SPDYE12: variants seen among roughly 807,000 people sequenced by gnomAD.
SPDYE12 encodes speedy/RINGO cell cycle regulator family member E12, also known as speedy protein E12.
the SPDYE12 span, among the ~76,000 whole-genome samples, chr7:74,908,661 C>CTTTTTTTTTTTTTTTTTTTT: frequency 1.7e-5 from 1 of 58,598 alleles, no homozygotes; most frequent in Non-Finnish European, 2.9e-5. Context: ...GTTTTTTGTT[C>CTTTTTTTTTTTTTTTTTTTT]TTTTTTTTTT....
the SPDYE12 span, among the ~76,000 whole-genome samples, chr7:74,909,307 G>C: frequency 6.6e-6 from 1 of 151,386 alleles, no homozygotes; most frequent in African/African-American, 2.4e-5. Context: ...GCTTGCCTCA[G>C]CCTCCCAAAG....
chr7:74,909,737 T>C, the SPDYE12 span: 1 of 1,236,550 alleles, frequency 8.1e-7, no homozygotes, highest in East Asian at 2.3e-5. Flanking sequence ...GGGGTGACTG[T>C]GCTCATGTGG....
the SPDYE12 span, among the ~76,000 whole-genome samples, chr7:74,907,458 G>A: frequency 1.3e-5 from 2 of 151,428 alleles, no homozygotes; most frequent in Admixed American, 6.6e-5. Flanking sequence ...TACACCAGAC[G>A]CGGTGGCTCA....
At chr7:74,904,887 AATAG>A in the SPDYE12 span, among the ~76,000 whole-genome samples, 3 of 149,378 alleles carry the variant, frequency 2.0e-5, no homozygotes, top group African/African-American at 7.3e-5. Context: ...AAACCAATAA[AATAG>A]ATAGTATATA....
At chr7:74,905,927 C>T in the SPDYE12 span, among the ~76,000 whole-genome samples, 1 of 146,626 alleles carries the variant, frequency 6.8e-6, no homozygotes, top group African/African-American at 2.7e-5. Flanking sequence ...TCTGAACCAT[C>T]GTGTTCAACT....
the SPDYE12 span, among the ~76,000 whole-genome samples, chr7:74,909,032 G>GTTTTTTTTTTTTTTTTTTCCCT: frequency 3.3e-5 from 1 of 30,336 alleles, no homozygotes; most frequent in African/African-American, 1.1e-4. Flanking sequence ...TTTTTTGCCT[G>GTTTTTTTTTTTTTTTTTTCCCT]GTTTTTTTTT....
the SPDYE12 span, among the ~76,000 whole-genome samples, chr7:74,906,134 C>A: frequency 9.3e-6 from 1 of 107,312 alleles, no homozygotes; most frequent in Non-Finnish European, 1.8e-5. Context: ...CGTGCTAGAT[C>A]TGTTTCTAAT....
At chr7:74,908,546 GGA>G in the SPDYE12 span, among the ~76,000 whole-genome samples, 4 of 133,578 alleles carry the variant, frequency 3.0e-5, no homozygotes, top group Non-Finnish European at 3.2e-5. Flanking sequence ...GATGTGGGAA[GGA>G]GAGAGAGAGA....
chr7:74,904,928 GAC>G, the SPDYE12 span, among the ~76,000 whole-genome samples: 2 of 147,364 alleles, frequency 1.4e-5, no homozygotes, highest in African/African-American at 5.0e-5. Context: ...ATATATCTGA[GAC>G]ATGTTAAAAA....
At chr7:74,909,559 AGG>A in the SPDYE12 span, 1 of 1,582,168 alleles carries the variant, frequency 6.3e-7, no homozygotes. Flanking sequence ...TATTGCCAGG[AGG>A]GGAGGCCGGC....
the SPDYE12 span, among the ~76,000 whole-genome samples, chr7:74,909,777 T>A: frequency 2.7e-5 from 4 of 150,586 alleles, no homozygotes; most frequent in East Asian, 7.8e-4. Context: ...TATTCGAAGG[T>A]CGGATGCAAA....
the SPDYE12 span, among the ~76,000 whole-genome samples, chr7:74,907,574 A>G: frequency 1.1e-4 from 17 of 150,696 alleles, no homozygotes; most frequent in South Asian, 2.5e-3. Flanking sequence ...TATACTAAAA[A>G]TACAAAAATC....
the SPDYE12 span, among the ~76,000 whole-genome samples, chr7:74,908,657 TG>T: frequency 8.3e-6 from 1 of 119,828 alleles, no homozygotes; most frequent in Admixed American, 1.0e-4. Context: ...TTTTGTTTTT[TG>T]TTCTTTTTTT....
the SPDYE12 span, among the ~76,000 whole-genome samples, chr7:74,914,267 CT>C: frequency 1.9e-4 from 4 of 21,048 alleles, no homozygotes; most frequent in African/African-American, 6.1e-4. Flanking sequence ...GTCGAAAAAT[CT>C]CAGCTGTGCA....
At chr7:74,910,442 C>T in the SPDYE12 span, among the ~76,000 whole-genome samples, 1 of 149,266 alleles carries the variant, frequency 6.7e-6, no homozygotes, top group African/African-American at 2.5e-5. Flanking sequence ...GTAATCTCAG[C>T]ACTTTGGGAG....
the SPDYE12 span, among the ~76,000 whole-genome samples, chr7:74,915,008 GTC>G: frequency 6.6e-6 from 1 of 151,610 alleles, no homozygotes; most frequent in African/African-American, 2.4e-5. Flanking sequence ...TCTCCTAGGA[GTC>G]TCTCGCTCAT....
the SPDYE12 span, among the ~76,000 whole-genome samples, chr7:74,911,143 AGCCAGGACC>A: frequency 1.5e-5 from 1 of 66,252 alleles, no homozygotes; most frequent in African/African-American, 5.5e-5. Flanking sequence ...GCTGGGAATC[AGCCAGGACC>A]CCCTCCAGCA....
chr7:74,909,754 C>T, the SPDYE12 span: 15 of 843,074 alleles, frequency 1.8e-5, no homozygotes, highest in African/African-American at 6.6e-5. Context: ...GTGGAAATTG[C>T]GGGGTGGAGG....
At chr7:74,904,838 A>G in the SPDYE12 span, among the ~76,000 whole-genome samples, 3 of 149,264 alleles carry the variant, frequency 2.0e-5, no homozygotes, top group African/African-American at 7.3e-5. Flanking sequence ...AATAAATAAA[A>G]TAATATTTAA....
Sources: gnomAD v4.1 joint callset for allele counts (sites outside exome capture counted in the v4.1 genomes callset) on GRCh38, gnomAD v4.1.1 for gene constraint, MANE v1.5 for transcripts, NCBI Gene and HGNC (gene_info 2026-07-23, HGNC 2026-07-21) for gene names.